Variants in ILDR1 observed in about 807,000 individuals in gnomAD.
The protein encoded by ILDR1 is immunoglobulin like domain containing receptor 1, also known as immunoglobulin-like domain-containing receptor 1.
In ILDR1, 56 loss-of-function variants were observed where a neutral mutation model predicts 62.4. The ratio of observed to expected loss-of-function variants is 0.90; its 90% CI spans 0.72 to 1.12. The LOEUF (loss-of-function observed/expected upper bound fraction) is 1.12, where lower values mean the gene tolerates loss of function less well. Ranked by LOEUF, ILDR1 falls within the 50% of genes most tolerant of loss-of-function variation. The pLI is 0.00. For missense variants in ILDR1, 736 were observed against 710.6 expected (o/e 1.04, Z -0.41); for synonymous variants, 284 against 277.8 (o/e 1.02, Z -0.22).
At chr3:122,021,340 A>G (rs34517506) in intron 1 of ILDR1, among the ~76,000 whole-genome samples, 130 of 152,228 alleles carry the variant, frequency 8.5e-4, no homozygotes, top group Non-Finnish European at 1.5e-3. Context: ...CACTTCTGTC[A>G]GATTTCCAGG....
chr3:122,006,954 G>A (rs760695310), intron 2 of ILDR1, 37 bp downstream of exon 2: 1 of 1,595,526 alleles, frequency 6.3e-7, no homozygotes, highest in East Asian at 2.3e-5. Flanking sequence ...AGAGGTGTCT[G>A]GGACCCACAG....
intron 1 of ILDR1, 80 bp downstream of exon 1, chr3:122,021,940 C>T: frequency 7.2e-7 from 1 of 1,389,102 alleles, no homozygotes; most frequent in Non-Finnish European, 1.0e-6. Context: ...GCCCTGCCCG[C>T]GGCCAGCTCT....
intron 3 of ILDR1, 95 bp downstream of exon 3, chr3:122,005,145 CAGAA>C (rs2071584440): frequency 1.2e-6 from 1 of 849,396 alleles, no homozygotes; most frequent in Non-Finnish European, 1.9e-6. Context: ...CAACAGGCAG[CAGAA>C]AGAAATGGGA....
At chr3:122,045,720 A>G in the ILDR1 span, among the ~76,000 whole-genome samples, 2 of 150,180 alleles carry the variant, frequency 1.3e-5, no homozygotes, top group East Asian at 3.9e-4. Context: ...CGTCTGTTTT[A>G]TCAGAGACTA....
chr3:122,006,467 T>C (rs918455543), intron 2 of ILDR1, among the ~76,000 whole-genome samples: 2 of 152,126 alleles, frequency 1.3e-5, no homozygotes, highest in African/African-American at 4.8e-5. Context: ...ACTAAGAGAC[T>C]TCCCACAGTT....
the ILDR1 span, among the ~76,000 whole-genome samples, chr3:122,050,638 TTG>T: frequency 6.1e-5 from 1 of 16,508 alleles, no homozygotes; most frequent in South Asian, 3.5e-3. Flanking sequence ...TTCTATGCTT[TTG>T]TTTTTTTTAA....
At chr3:122,021,199 G>T (rs566113625) in intron 1 of ILDR1, among the ~76,000 whole-genome samples, 1 of 152,310 alleles carries the variant, frequency 6.6e-6, no homozygotes, top group East Asian at 1.9e-4. Flanking sequence ...ACAGGGTGGA[G>T]CTTCCAAGGG....
chr3:122,061,011 T>C, the ILDR1 span, among the ~76,000 whole-genome samples: 1 of 152,256 alleles, frequency 6.6e-6, no homozygotes, highest in African/African-American at 2.4e-5. Flanking sequence ...TTAATCTTTC[T>C]GTAGTGGCAG....
At chr3:121,996,893 TTTG>T (rs1335355310) in intron 5 of ILDR1, among the ~76,000 whole-genome samples, 3 of 152,170 alleles carry the variant, frequency 2.0e-5, no homozygotes, top group Non-Finnish European at 4.4e-5. Context: ...TTTTGTTTTT[TTTG>T]TTGTTGTTGT....
the ILDR1 span, among the ~76,000 whole-genome samples, chr3:122,059,185 A>G: frequency 0.1 from 15,631 of 152,206 alleles, 833 homozygotes; most frequent in African/African-American, 0.14. Flanking sequence ...TGGAATGCAC[A>G]TGAAGAGTCT....
the ILDR1 span, among the ~76,000 whole-genome samples, chr3:122,045,385 G>C: frequency 6.6e-6 from 1 of 151,754 alleles, no homozygotes; most frequent in Non-Finnish European, 1.5e-5. Context: ...TGAAAAAAAT[G>C]TATATTGTGT....
At chr3:122,035,564 C>G in the ILDR1 span, among the ~76,000 whole-genome samples, 2 of 152,122 alleles carry the variant, frequency 1.3e-5, no homozygotes, top group Non-Finnish European at 2.9e-5. Flanking sequence ...CCTTGCTATT[C>G]TCATGATAGT....
At chr3:122,046,158 T>C in the ILDR1 span, among the ~76,000 whole-genome samples, 1 of 152,006 alleles carries the variant, frequency 6.6e-6, no homozygotes, top group South Asian at 2.1e-4. Context: ...TGAAGTATTT[T>C]ATTTCTCCTT....
At chr3:122,023,317 C>T (rs1279461918), upstream of ILDR1, among the ~76,000 whole-genome samples, 1 of 152,138 alleles carries the variant, frequency 6.6e-6, no homozygotes, top group Non-Finnish European at 1.5e-5. Flanking sequence ...GACTTTAGGT[C>T]TCTTTGCACC....
chr3:122,016,427 G>A (rs537307541), intron 1 of ILDR1, among the ~76,000 whole-genome samples: 3 of 152,300 alleles, frequency 2.0e-5, no homozygotes, highest in South Asian at 4.1e-4. Flanking sequence ...TTAAACATTT[G>A]CTAAACAAAA....
At chr3:122,018,401 G>GGGGGGC (rs2071808387) in intron 1 of ILDR1, among the ~76,000 whole-genome samples, 1 of 136,880 alleles carries the variant, frequency 7.3e-6, no homozygotes, top group Non-Finnish European at 1.6e-5. Context: ...GGGTGGGGGG[G>GGGGGGC]GGGTAGGGGA....
intron 5 of ILDR1, among the ~76,000 whole-genome samples, chr3:121,997,331 A>G (rs2071451536): frequency 6.6e-6 from 1 of 152,138 alleles, no homozygotes; most frequent in Non-Finnish European, 1.5e-5. Context: ...TGCCCCTTTG[A>G]ACTCTTGTCA....
intron 3 of ILDR1, among the ~76,000 whole-genome samples, chr3:122,004,150 G>A (rs1486406858): frequency 1.3e-5 from 2 of 152,116 alleles, no homozygotes; most frequent in East Asian, 1.9e-4. Context: ...ATATTGTAGC[G>A]ATGGCCACCA....
the ILDR1 span, among the ~76,000 whole-genome samples, chr3:122,046,711 T>C: frequency 0.076 from 9,889 of 130,322 alleles, 319 homozygotes; most frequent in East Asian, 0.13. Flanking sequence ...TTGATCGCAT[T>C]GGCTCCTGAG....
Sources: gnomAD v4.1 joint callset for allele counts (sites outside exome capture counted in the v4.1 genomes callset) on GRCh38, gnomAD v4.1.1 for gene constraint, MANE v1.5 for transcripts, NCBI Gene and HGNC (gene_info 2026-07-23, HGNC 2026-07-21) for gene names.